The following ARB2A variants were observed in gnomAD, a reference collection of about 807,000 sequenced individuals.
ARB2A encodes ARB2 cotranscriptional regulator A, also known as cotranscriptional regulator ARB2A.
the ARB2A span, among the ~76,000 whole-genome samples, chr5:93,844,182 G>A: frequency 6.6e-6 from 1 of 151,436 alleles, no homozygotes. Flanking sequence ...CATAGCTCAC[G>A]CCTGTAATTC....
At chr5:93,811,402 A>G in the ARB2A span, among the ~76,000 whole-genome samples, 1 of 152,138 alleles carries the variant, frequency 6.6e-6, no homozygotes, top group South Asian at 2.1e-4. Flanking sequence ...GTAATGAAAA[A>G]TCGATTAAAA....
chr5:93,950,538 G>T, the ARB2A span, among the ~76,000 whole-genome samples: 1 of 152,148 alleles, frequency 6.6e-6, no homozygotes, highest in South Asian at 2.1e-4. Flanking sequence ...AACGACTCGG[G>T]AGGCTGAGGC....
chr5:93,850,451 A>C, the ARB2A span, among the ~76,000 whole-genome samples: 278 of 152,264 alleles, frequency 1.8e-3, 2 homozygotes, highest in African/African-American at 5.8e-3. Flanking sequence ...TGACCCTCTC[A>C]AATATCTGAT....
chr5:93,961,576 T>C, the ARB2A span, among the ~76,000 whole-genome samples: 1 of 151,970 alleles, frequency 6.6e-6, no homozygotes, highest in Non-Finnish European at 1.5e-5. Flanking sequence ...CCCAGCTACT[T>C]GGCAAGCTGA....
At chr5:93,741,185 G>T in the ARB2A span, 1 of 1,613,856 alleles carries the variant, frequency 6.2e-7, no homozygotes, top group South Asian at 1.1e-5. Context: ...GCCAATTGCT[G>T]CAACTCTTTC....
chr5:94,070,853 T>A, the ARB2A span, among the ~76,000 whole-genome samples: 1 of 151,940 alleles, frequency 6.6e-6, no homozygotes, highest in South Asian at 2.1e-4. Flanking sequence ...AACAAAAACC[T>A]GTGACAATGA....
the ARB2A span, among the ~76,000 whole-genome samples, chr5:94,094,969 C>G: frequency 6.6e-6 from 1 of 152,166 alleles, no homozygotes; most frequent in African/African-American, 2.4e-5. Context: ...TGCCATTGTC[C>G]TCTCCCCATG....
chr5:93,858,514 C>T, the ARB2A span, among the ~76,000 whole-genome samples: 1 of 152,306 alleles, frequency 6.6e-6, no homozygotes, highest in Non-Finnish European at 1.5e-5. Context: ...GTAGAGAGGT[C>T]CTGGGAGACC....
At chr5:93,825,308 AGATAAT>A in the ARB2A span, among the ~76,000 whole-genome samples, 1 of 5,804 alleles carries the variant, frequency 1.7e-4, no homozygotes, top group South Asian at 0.014. Flanking sequence ...GGCACAAACA[AGATAAT>A]TTTTTTTCTC....
chr5:93,748,339 T>A, the ARB2A span, among the ~76,000 whole-genome samples: 11 of 151,952 alleles, frequency 7.2e-5, no homozygotes, highest in African/African-American at 2.7e-4. Flanking sequence ...AATGAAGAAA[T>A]AGGGTAGAAT....
chr5:93,744,434 C>CA, the ARB2A span, among the ~76,000 whole-genome samples: 1,829 of 14,468 alleles, frequency 0.13, 537 homozygotes, highest in Middle Eastern at 0.17. Flanking sequence ...GACTCAGTCT[C>CA]AAAAAAAAAA....
the ARB2A span, among the ~76,000 whole-genome samples, chr5:93,831,461 G>A: frequency 1.3e-5 from 2 of 152,054 alleles, no homozygotes; most frequent in Non-Finnish European, 2.9e-5. Context: ...CACATTAATA[G>A]TCTGAAAGCC....
At chr5:93,776,159 C>A in the ARB2A span, 1 of 1,605,280 alleles carries the variant, frequency 6.2e-7, no homozygotes, top group African/African-American at 1.3e-5. Flanking sequence ...AAACACATAC[C>A]TGCTGAGACC....
At chr5:93,678,265 G>A in the ARB2A span, among the ~76,000 whole-genome samples, 1 of 152,100 alleles carries the variant, frequency 6.6e-6, no homozygotes, top group Non-Finnish European at 1.5e-5. Context: ...TGTCTGTATC[G>A]TATCAAATGT....
At chr5:93,844,075 G>A in the ARB2A span, among the ~76,000 whole-genome samples, 4 of 150,858 alleles carry the variant, frequency 2.7e-5, no homozygotes, top group Non-Finnish European at 4.4e-5. Context: ...GAACAATTTC[G>A]GACTTTTCAA....
chr5:93,844,112 T>TA, the ARB2A span, among the ~76,000 whole-genome samples: 13,273 of 115,190 alleles, frequency 0.12, 773 homozygotes, highest in Middle Eastern at 0.23. Context: ...AAGATGAGGA[T>TA]AAAAAAACAA....
chr5:93,875,395 C>T, the ARB2A span, among the ~76,000 whole-genome samples: 2 of 152,188 alleles, frequency 1.3e-5, no homozygotes, highest in East Asian at 3.9e-4. Context: ...CCATGCCTGG[C>T]TAATTTTTGT....
chr5:93,723,714 C>T, the ARB2A span, among the ~76,000 whole-genome samples: 9 of 151,878 alleles, frequency 5.9e-5, no homozygotes, highest in African/African-American at 2.2e-4. Context: ...AAATACTTGG[C>T]CCATGAAATC....
At chr5:93,866,921 A>T in the ARB2A span, among the ~76,000 whole-genome samples, 1 of 152,162 alleles carries the variant, frequency 6.6e-6, no homozygotes, top group Non-Finnish European at 1.5e-5. Flanking sequence ...TTCTTCCTAA[A>T]CATATTCTTT....
Sources: gnomAD v4.1 joint callset for allele counts (sites outside exome capture counted in the v4.1 genomes callset) on GRCh38, gnomAD v4.1.1 for gene constraint, MANE v1.5 for transcripts, NCBI Gene and HGNC (gene_info 2026-07-23, HGNC 2026-07-21) for gene names.